The following KDM2A variants were observed in gnomAD, a reference collection of about 807,000 sequenced individuals.
KDM2A encodes lysine demethylase 2A.
A neutral mutation model predicts 137.3 loss-of-function variants in KDM2A; 3 were observed. The ratio of observed to expected loss-of-function variants is 0.02; its 90% CI spans 0.01 to 0.06. The LOEUF (loss-of-function observed/expected upper bound fraction) is 0.06, where lower values mean the gene tolerates loss of function less well. Among genes scored for constraint, KDM2A ranks in the 10% least tolerant of loss-of-function variants. KDM2A has a pLI of 1.00. For synonymous variants in KDM2A, 512 were observed against 541.5 expected, an observed-to-expected ratio of 0.95 and a Z score of 0.76; for missense variants, 738 against 1,510.6, an observed-to-expected ratio of 0.49 and a Z score of 8.48.
At chr11:67,217,188 G>T (rs1858191410) in intron 8 of KDM2A, among the ~76,000 whole-genome samples, 2 of 146,224 alleles carry the variant, frequency 1.4e-5, no homozygotes, top group Admixed American at 1.4e-4. Flanking sequence ...GTTACGGTGA[G>T]CCAAGATTGT....
intron 5 of KDM2A, among the ~76,000 whole-genome samples, chr11:67,198,583 G>T (rs575677487): frequency 5.6e-4 from 85 of 151,668 alleles, no homozygotes; most frequent in Non-Finnish European, 4.0e-4. Flanking sequence ...AGTGGCGGGC[G>T]CCTGTAGTCC....
intron 2 of KDM2A, among the ~76,000 whole-genome samples, chr11:67,132,473 C>T (rs1443663139): frequency 6.6e-6 from 1 of 151,894 alleles, no homozygotes; most frequent in Non-Finnish European, 1.5e-5. Flanking sequence ...TTAGTAGAGA[C>T]GGGGTCTCAA....
chr11:67,150,926 T>G (rs927240446), intron 2 of KDM2A, among the ~76,000 whole-genome samples: 1 of 152,098 alleles, frequency 6.6e-6, no homozygotes, highest in Non-Finnish European at 1.5e-5. Flanking sequence ...AGTCTAAACC[T>G]AGTGTTGAAG....
At chr11:67,182,012 T>A in intron 5 of KDM2A, 120 bp downstream of exon 5, 1 of 806,532 alleles carries the variant, frequency 1.2e-6, no homozygotes, top group Non-Finnish European at 2.0e-6. Context: ...GATTAGAAAC[T>A]ACATTTTCAT....
chr11:67,158,186 G>T (rs1173023605), intron 2 of KDM2A, among the ~76,000 whole-genome samples: 1 of 152,048 alleles, frequency 6.6e-6, no homozygotes, highest in Non-Finnish European at 1.5e-5. Context: ...CGTATAGTTG[G>T]AATCATACAG....
At position 67,193,733 on chromosome 11, in the gene KDM2A, C is replaced by T. The variant is rs1466449944; in HGVS notation, c.307+11841C>T. On this transcript the variant is annotated intron_variant, in intron 5 of 20. Coordinates refer to ENST00000529006, the MANE Select transcript of KDM2A (RefSeq NM_012308.3). ...AAAATTAGCCAGGCATGGTGGCAGGCGCCTCTACTCCCAACTACTTGGGAG... is the reference window on the plus strand; with the variant it reads ...AAAATTAGCCAGGCATGGTGGCAGGTGCCTCTACTCCCAACTACTTGGGAG... Among the ~76,000 whole-genome samples the T allele has an allele frequency of 1.3e-4, 20 of 152,216 alleles. 2 individuals are homozygous for T. In the South Asian group the frequency reaches 3.7e-3, roughly 28 times the overall value.
At chr11:67,152,034 G>T (rs546351670) in intron 2 of KDM2A, among the ~76,000 whole-genome samples, 1 of 152,094 alleles carries the variant, frequency 6.6e-6, no homozygotes, top group African/African-American at 2.4e-5. Flanking sequence ...TTAATTTCCC[G>T]CCGGGTGCAG....
intron 18 of KDM2A, among the ~76,000 whole-genome samples, chr11:67,253,084 C>T (rs990100254): frequency 6.6e-6 from 1 of 152,194 alleles, no homozygotes; most frequent in African/African-American, 2.4e-5. Context: ...GCAAAGAGAA[C>T]GGAATCAGTG....
intron 2 of KDM2A, among the ~76,000 whole-genome samples, chr11:67,123,093 C>T (rs1746397414): frequency 6.6e-6 from 1 of 151,990 alleles, no homozygotes; most frequent in Non-Finnish European, 1.5e-5. Flanking sequence ...TTCCAGCCTC[C>T]TGAGTAGCTG....
chr11:67,128,149 C>G (rs1162997269), intron 2 of KDM2A, among the ~76,000 whole-genome samples: 1 of 151,204 alleles, frequency 6.6e-6, no homozygotes, highest in Admixed American at 6.6e-5. Context: ...ACCACAGATA[C>G]ATGCCACCAC....
chr11:67,140,989 C>T lies in KDM2A; in HGVS notation c.42+19631C>T, dbSNP rs376429935. Among the ~76,000 whole-genome samples, 4 of 152,178 alleles carry T rather than the reference C, an allele frequency of 2.6e-5. No homozygotes were observed. In the East Asian group the frequency reaches 5.8e-4, roughly 22 times the overall value. On this transcript the variant is annotated intron_variant, in intron 2 of 20. Transcript: ENST00000529006. ...ATGGATTACTTAATTTTTCTCCAGACCTCTTACCTCATGCTTGCTCAAGTC... is the reference window on the plus strand; with the variant it reads ...ATGGATTACTTAATTTTTCTCCAGATCTCTTACCTCATGCTTGCTCAAGTC...
chr11:67,195,804 A>G (rs1226043491), intron 5 of KDM2A: 1 of 200,736 alleles, frequency 5.0e-6, no homozygotes, highest in Admixed American at 5.4e-5. Flanking sequence ...TAATTTAGTT[A>G]GAATTGTTAA....
chr11:67,195,950 C>T, intron 5 of KDM2A: 1 of 423,282 alleles, frequency 2.4e-6, no homozygotes, highest in Non-Finnish European at 4.8e-6. Context: ...TTGCCAAATC[C>T]ACAATATCTT....
chr11:67,135,457 C>T (rs1855951953), intron 2 of KDM2A, among the ~76,000 whole-genome samples: 2 of 152,052 alleles, frequency 1.3e-5, no homozygotes, highest in Admixed American at 1.3e-4. Context: ...TTTTAATTGC[C>T]CTGTAGCTGA....
intron 10 of KDM2A, among the ~76,000 whole-genome samples, chr11:67,226,592 G>C (rs1427161120): frequency 1.3e-5 from 2 of 151,346 alleles, no homozygotes; most frequent in East Asian, 4.0e-4. Context: ...CGTGGTGGCG[G>C]GCGCTTGTAG....
chr11:67,184,820 A>G (rs1857167861), intron 5 of KDM2A, among the ~76,000 whole-genome samples: 2 of 152,234 alleles, frequency 1.3e-5, no homozygotes, highest in South Asian at 4.1e-4. Flanking sequence ...CTTGACACAG[A>G]GATAGCCTAT....
At chr11:67,240,373 A>T in intron 12 of KDM2A, 1 of 1,534,100 alleles carries the variant, frequency 6.5e-7, no homozygotes, top group Middle Eastern at 1.8e-4. Context: ...ACGAAAGGTC[A>T]GGGGGTCGAT....
chr11:67,158,297 A>G (rs608273), intron 2 of KDM2A, among the ~76,000 whole-genome samples: 110,521 of 152,068 alleles, frequency 0.73, 46,036 homozygotes, highest in Non-Finnish European at 0.93. Context: ...CATTGTATGG[A>G]TGTTTCATAG....
At chr11:67,134,909 T>C (rs1855937996) in intron 2 of KDM2A, among the ~76,000 whole-genome samples, 1 of 152,208 alleles carries the variant, frequency 6.6e-6, no homozygotes, top group South Asian at 2.1e-4. Flanking sequence ...TTTTCTGTTG[T>C]TGAATTTTCA....
Sources: allele counts gnomAD v4.1 joint callset (sites outside exome capture counted in the v4.1 genomes callset), GRCh38; gene constraint gnomAD v4.1.1; transcripts MANE v1.5; gene names NCBI Gene and HGNC (gene_info 2026-07-23, HGNC 2026-07-21).